The following ANKMY1 variants were observed in gnomAD, a reference collection of about 807,000 sequenced individuals.
ANKMY1 encodes the protein ankyrin repeat and MYND domain-containing protein 1.
Under a neutral mutation model 102.0 loss-of-function variants are expected in ANKMY1, and 98 were observed. The ratio of observed to expected loss-of-function variants is 0.96; its 90% CI spans 0.82 to 1.14. The LOEUF (loss-of-function observed/expected upper bound fraction) is 1.14, where lower values mean the gene tolerates loss of function less well. ANKMY1 is among the 50% of genes most tolerant of loss of function. ANKMY1 has a pLI of 0.00. For synonymous variants in ANKMY1, 582 were observed against 559.9 expected (o/e 1.04, Z -0.56); for missense variants, 1,330 against 1,347.6 (o/e 0.99, Z 0.20).
chr2:240,528,302 C>CA (rs1559335588), intron 5 of ANKMY1, among the ~76,000 whole-genome samples: 14 of 139,942 alleles, frequency 1.0e-4, no homozygotes, highest in Non-Finnish European at 1.8e-4. Flanking sequence ...CACCCCCCCC[C>CA]CAAAAAAATT....
intron 9 of ANKMY1, among the ~76,000 whole-genome samples, chr2:240,514,611 C>A (rs2080856970): frequency 6.6e-6 from 1 of 152,206 alleles, no homozygotes; most frequent in Admixed American, 6.5e-5. Flanking sequence ...GCTCAGTTTC[C>A]CACCACGGAT....
rs760174597 is a variant in ANKMY1, at chr2:240,526,341, A to T, written c.1058T>A (p.Ile353Asn). 1.9e-6 allele frequency: 3 copies of T among 1,614,090 alleles called. No individual in the cohort carries two copies. The African/African-American group carries it at 4.0e-5, about 22-fold the overall frequency. The change falls in exon 6 of 18, where the codon ATC becomes AAC. Residue 353 changes from isoleucine to asparagine, a missense_variant. Ile to Asn is a moderately radical substitution (Grantham distance 149). Coordinates refer to ENST00000401804, the MANE Select transcript of ANKMY1 (RefSeq NM_001282771.3). ...GTGGTTCCCTTCCTCAGCCTTTAGG[A>T]TCATCTCCATGGAAAGTTGCTCTTT... ...GPKEQLSMEM[I>N]LKAEEGNHEW...
intron 4 of ANKMY1, among the ~76,000 whole-genome samples, chr2:240,549,445 T>C (rs1447316801): frequency 2.6e-5 from 4 of 152,196 alleles, no homozygotes; most frequent in East Asian, 1.9e-4. Flanking sequence ...ATTCAGGACA[T>C]AGGCATGGGC....
chr2:240,548,733 G>C (rs1464593483), intron 4 of ANKMY1, among the ~76,000 whole-genome samples: 2 of 150,880 alleles, frequency 1.3e-5, no homozygotes, highest in African/African-American at 4.9e-5. Flanking sequence ...GACAAACAGA[G>C]AGCCAAATCA....
chr2:240,561,040 T>G (rs1032543680), upstream of ANKMY1: 4 of 1,524,708 alleles, frequency 2.6e-6, 1 homozygote, highest in South Asian at 2.4e-5. Flanking sequence ...GCGTACCTCA[T>G]GCGGCACCGC....
At chr2:240,560,049 T>C (rs1240428202), upstream of ANKMY1, 1 of 152,356 alleles carries the variant, frequency 6.6e-6, no homozygotes, top group Non-Finnish European at 1.5e-5. Context: ...GCAAAAGGAA[T>C]AGTGTGGTCT....
chr2:240,557,499 G>A, intron 1 of ANKMY1, 147 bp from the exon 2 acceptor site: 1 of 874,250 alleles, frequency 1.1e-6, no homozygotes, highest in Admixed American at 3.9e-5. Flanking sequence ...GCCACCCACA[G>A]GTCCCGGACC....
intron 10 of ANKMY1, 129 bp downstream of exon 10, chr2:240,512,673 T>G: frequency 7.9e-7 from 1 of 1,263,566 alleles, no homozygotes; most frequent in South Asian, 1.7e-5. Context: ...ATGCAGGATT[T>G]CCACTGCCCA....
intron 15 of ANKMY1, among the ~76,000 whole-genome samples, chr2:240,493,554 T>C (rs147014171): frequency 6.6e-6 from 1 of 152,250 alleles, no homozygotes; most frequent in Non-Finnish European, 1.5e-5. Flanking sequence ...CTTCTCAGCG[T>C]GTGCAGTAGT....
chr2:240,481,679 G>A (rs887709020), intron 16 of ANKMY1, among the ~76,000 whole-genome samples: 11 of 152,170 alleles, frequency 7.2e-5, no homozygotes, highest in African/African-American at 2.7e-4. Context: ...GGGCACACAA[G>A]CATGTAAAGA....
chr2:240,524,607 G>A (rs2082983180), intron 7 of ANKMY1, among the ~76,000 whole-genome samples: 1 of 152,228 alleles, frequency 6.6e-6, no homozygotes. Context: ...CAGGCTGCAT[G>A]GCCCTATACA....
chr2:240,518,236 G>A (rs554068436), intron 9 of ANKMY1, among the ~76,000 whole-genome samples: 69 of 152,164 alleles, frequency 4.5e-4, no homozygotes, highest in African/African-American at 1.6e-3. Flanking sequence ...TCCTTCCTCA[G>A]GAAACCAACC....
chr2:240,480,798 G>A (rs1264412741), intron 17 of ANKMY1, 139 bp downstream of exon 17: 23 of 1,263,258 alleles, frequency 1.8e-5, no homozygotes, highest in East Asian at 7.4e-5. Context: ...CCAACAGGCC[G>A]ATCTGGAAAT....
At chr2:240,475,847 G>T (rs1194363780), downstream of ANKMY1, among the ~76,000 whole-genome samples, 1 of 151,992 alleles carries the variant, frequency 6.6e-6, no homozygotes, top group Non-Finnish European at 1.5e-5. Context: ...ATTGATGAGA[G>T]AAATTAAGGT....
At chr2:240,528,029 C>T (rs2084279180) in intron 5 of ANKMY1, 2 of 152,234 alleles carry the variant, frequency 1.3e-5, no homozygotes, top group Admixed American at 1.3e-4. Flanking sequence ...TGGCTCACGC[C>T]TATAATCCCA....
intron 10 of ANKMY1, 93 bp from the exon 11 acceptor site, chr2:240,512,094 C>T (rs996545381): frequency 5.0e-6 from 7 of 1,400,688 alleles, no homozygotes; most frequent in African/African-American, 4.5e-5. Context: ...CCCCAGCCTG[C>T]GGGTCTGGAG....
intron 15 of ANKMY1, among the ~76,000 whole-genome samples, chr2:240,482,702 G>C (rs74484300): frequency 0.13 from 20,391 of 152,264 alleles, 1,493 homozygotes; most frequent in Non-Finnish European, 0.16. Flanking sequence ...ATGATTAAGG[G>C]ATTATGATCT....
intron 16 of ANKMY1, 107 bp downstream of exon 16, chr2:240,482,076 A>G: frequency 7.9e-7 from 1 of 1,266,000 alleles, no homozygotes; most frequent in Non-Finnish European, 1.1e-6. Flanking sequence ...TGGGGGTCAG[A>G]TGGCATGGAG....
At chr2:240,475,670 G>A (rs1337640883), downstream of ANKMY1, among the ~76,000 whole-genome samples, 1 of 151,410 alleles carries the variant, frequency 6.6e-6, no homozygotes, top group Non-Finnish European at 1.5e-5. Context: ...CATTGTTAGT[G>A]CATAAAAACA....
Sources: gnomAD v4.1 joint callset for allele counts (sites outside exome capture counted in the v4.1 genomes callset) on GRCh38, gnomAD v4.1.1 for gene constraint, MANE v1.5 for transcripts, NCBI Gene and HGNC (gene_info 2026-07-23, HGNC 2026-07-21) for gene names.